Variants in LATS2 observed in about 807,000 individuals in gnomAD.
LATS2 encodes large tumor suppressor kinase 2.
Under a neutral mutation model 76.0 loss-of-function variants are expected in LATS2, and 24 were observed. That is an observed-to-expected ratio of 0.32 (90% CI 0.23 to 0.44). The LOEUF is 0.44. Among genes scored for constraint, LATS2 ranks in the 20% least tolerant of loss-of-function variants. The pLI is 1.00. For synonymous variants in LATS2, 692 were observed against 635.4 expected (o/e 1.09, Z -1.34); for missense variants, 1,286 against 1,481.2 (o/e 0.87, Z 2.16).
At chr13:21,022,035 TAGAA>T (rs1282838588) in intron 2 of LATS2, among the ~76,000 whole-genome samples, 1 of 152,016 alleles carries the variant, frequency 6.6e-6, no homozygotes, top group Non-Finnish European at 1.5e-5. Context: ...CTGGGTGAAA[TAGAA>T]AGATGAAATA....
At chr13:21,014,225 A>G (rs1366845584) in intron 2 of LATS2, among the ~76,000 whole-genome samples, 3 of 152,206 alleles carry the variant, frequency 2.0e-5, no homozygotes, top group Non-Finnish European at 4.4e-5. Flanking sequence ...CAGATGGATG[A>G]CAGGGCTCTC....
intron 2 of LATS2, among the ~76,000 whole-genome samples, chr13:21,036,246 A>G (rs1300037473): frequency 1.3e-5 from 2 of 151,534 alleles, no homozygotes; most frequent in Non-Finnish European, 2.9e-5. Flanking sequence ...TGGCCAGGCT[A>G]TTATCAAACT....
At chr13:21,032,807 G>C (rs1032970301) in intron 2 of LATS2, among the ~76,000 whole-genome samples, 3 of 152,162 alleles carry the variant, frequency 2.0e-5, no homozygotes, top group Non-Finnish European at 2.9e-5. Flanking sequence ...CACAAGGATG[G>C]GTCGTGGAAG....
chr13:20,988,809 G>A lies in LATS2; in HGVS notation c.971C>T (p.Ala324Val), dbSNP rs558614. 0.78 allele frequency: 1,248,692 copies of A among 1,594,946 alleles called. 495,300 individuals carry two copies. Among genetic ancestry groups the A allele is most frequent in the Non-Finnish European group, 0.82 (968,289 of 1,176,644 alleles). The change falls in exon 4 of 8, where the codon GCG becomes GTG. Residue 324 changes from alanine to valine, a missense_variant. Physicochemically the swap from Ala to Val is moderately conservative, Grantham distance 64. Transcript: ENST00000382592. ...PHPHHKQAGPAAHQLHVLGSR... is the reference protein window; with the variant it reads ...PHPHHKQAGPVAHQLHVLGSR... ...GCCCAGCACATGCAGCTGGTGGGCC[G>A]CGGGACCGGCCTGCTTGTGGTGTGG...
intron 2 of LATS2, among the ~76,000 whole-genome samples, chr13:20,996,419 C>T (rs1328153710): frequency 6.6e-6 from 1 of 150,786 alleles, no homozygotes; most frequent in Non-Finnish European, 1.5e-5. Flanking sequence ...CGTTCTGTCC[C>T]CCAGGGTGGA....
chr13:21,054,602 C>T (rs1289922462), intron 1 of LATS2, among the ~76,000 whole-genome samples: 7 of 152,146 alleles, frequency 4.6e-5, no homozygotes, highest in Admixed American at 1.3e-4. Flanking sequence ...CCTAGAGACA[C>T]TTGGGGTGTT....
rs549625457 is a variant in LATS2 at position 20,974,764 on chromosome 13, T to C, written c.*106A>G. 4.5e-5 allele frequency: 55 copies of C among 1,214,298 alleles called. No individual in the cohort carries two copies. The African/African-American group carries it at 8.0e-4, about 18-fold the overall frequency. The allele number at this position is 1,214,298 out of a possible 1,614,324, so 75.2% of individuals were successfully genotyped here. A position where few individuals can be genotyped will look rare whatever the true frequency, so the allele number is the denominator to read the frequency against. ...ATTTCAAGTGAAGTAATCGACGGAC[T>C]AATTTAAAACAAAACAGCCCTCGGC... On this transcript the variant is annotated 3_prime_UTR_variant, in exon 8 of 8. Transcript: ENST00000382592.
Position 20,991,209 on chromosome 13 carries a change from G to A in LATS2, c.475+63C>T, listed in dbSNP as rs79048256. On this transcript the variant is annotated intron_variant, in intron 3 of 7. Transcript: ENST00000382592. The surrounding 1 kb of genome is among the most constrained non-coding windows in gnomAD (Gnocchi z 4.9). ...CAGGCCAGGTTGGACCCCTCTGCAC[G>A]TGGTTTTGTTGTCCTTAAGCCACAA... 4,257 of 1,601,018 alleles carry A rather than the reference G, an allele frequency of 2.7e-3. 22 individuals carry two copies. The highest frequency in any genetic ancestry group is 0.016 in the East Asian group (721 of 44,802).
At chr13:20,997,042 G>A (rs1870789430) in intron 2 of LATS2, among the ~76,000 whole-genome samples, 1 of 152,188 alleles carries the variant, frequency 6.6e-6, no homozygotes, top group Admixed American at 6.5e-5. Context: ...GCTTGGGGTG[G>A]TGGCCCTGGA....
At chr13:21,053,505 A>C (rs1408096764) in intron 1 of LATS2, among the ~76,000 whole-genome samples, 1 of 152,042 alleles carries the variant, frequency 6.6e-6, no homozygotes, top group African/African-American at 2.4e-5. Context: ...AGGCCCACGC[A>C]ACATCTGTTG....
intron 1 of LATS2, among the ~76,000 whole-genome samples, chr13:21,047,253 G>A (rs1218376569): frequency 6.6e-6 from 1 of 152,128 alleles, no homozygotes; most frequent in Non-Finnish European, 1.5e-5. Context: ...CAGTCCCTTC[G>A]CCTCCCTCAG....
chr13:20,988,897 C>A lies in LATS2; in HGVS notation c.883G>T (p.Gly295Ter). The A allele has an allele frequency of 6.5e-7, 1 of 1,537,564 alleles. No individual in the cohort carries two copies. The highest frequency in any genetic ancestry group is 1.2e-5 in the South Asian group (1 of 83,186). Residue 295 changes from glycine (G) to a stop codon, truncating the protein, a stop_gained, in exon 4 of 8, where the codon GGA (glycine) becomes TGA (stop). Transcript: ENST00000382592. LOFTEE classifies it high-confidence loss of function. ...GCGAGGCCGGCGCCTGGCGGTCCTC[C>A]CTGGCCCTTCGTGGGCAGGCTGGCG... Reference protein sequence around the residue: ...GYASLPTKGQGGPPGAGLAFP... With the variant: ...GYASLPTKGQ
chr13:20,980,635 G>A (rs1230306591), intron 6 of LATS2, among the ~76,000 whole-genome samples: 2 of 152,168 alleles, frequency 1.3e-5, no homozygotes, highest in Admixed American at 6.5e-5. Context: ...AATGCTGCAC[G>A]TGGTAGAGGG....
Position 20,983,420 on chromosome 13 carries a change from G to T in LATS2, c.2286C>A (p.Val762=). 6.2e-7 allele frequency: 1 copy of T among 1,614,094 alleles called. No individual in the cohort carries two copies. Among genetic ancestry groups the T allele is most frequent in the African/African-American group, 1.3e-5 (1 of 75,006 alleles). The part of the protein sequence containing the change: ...DMMSLLIRME[V]FPEHLARFYI... ...AGAACCGGGCCAGGTGCTCAGGGAAGACCTCCATCCGGATCAGCAGGCTCA... is the reference window on the plus strand; with the variant it reads ...AGAACCGGGCCAGGTGCTCAGGGAATACCTCCATCCGGATCAGCAGGCTCA... The change falls in exon 5 of 8, where the codon GTC becomes GTA. Residue 762 remains valine (V), a synonymous_variant. Coordinates refer to ENST00000382592, the MANE Select transcript of LATS2 (RefSeq NM_014572.3).
Position 20,981,596 on chromosome 13 carries a change from C to T in LATS2, c.2535G>A (p.Val845=). The change falls in exon 6 of 8, where the codon GTG becomes GTA. Residue 845 remains valine (V), a synonymous_variant. Transcript: ENST00000382592. The part of the protein sequence containing the change: ...SMEPSDLWDD[V]SNCRCGDRLK... ...GCCTGTCCCCACACCGACAGTTAGA[C>T]ACATCATCCCAGAGGTCGCTGGGCT... 4 of 1,614,176 alleles carry T rather than the reference C, an allele frequency of 2.5e-6. No individual in the cohort carries two copies. The highest frequency in any genetic ancestry group is 3.4e-6 in the Non-Finnish European group (4 of 1,180,014).
intron 3 of LATS2, among the ~76,000 whole-genome samples, chr13:20,990,231 G>C (rs1870446112): frequency 6.6e-6 from 1 of 152,152 alleles, no homozygotes; most frequent in Non-Finnish European, 1.5e-5. Flanking sequence ...ACATGGGCCT[G>C]GCCTTCCCTT....
chr13:20,988,343 C>CGGGTCG lies in LATS2; in HGVS notation c.1436_1437insCGACCC (p.Pro479_Ala480insAspPro). The stretch of plus-strand genomic sequence containing the variant: ...CCTTGGCGTCCAAGCCCTCCGCAGC[C>CGGGTCG]GGGGCGGGGGCGGGGGCGGGGGCCG... On this transcript the variant is annotated inframe_insertion, in exon 4 of 8. Coordinates refer to ENST00000382592, the MANE Select transcript of LATS2 (RefSeq NM_014572.3). The CGGGTCG allele has an allele frequency of 1.5e-6, 2 of 1,298,770 alleles. No homozygotes were observed. The highest frequency in any genetic ancestry group is 1.5e-5 in the African/African-American group (1 of 65,382). The allele number at this position is 1,298,770 out of a possible 1,614,324, so 80.5% of individuals were successfully genotyped here. A position where few individuals can be genotyped will look rare whatever the true frequency, so the allele number is the denominator to read the frequency against.
intron 2 of LATS2, among the ~76,000 whole-genome samples, chr13:21,031,666 C>G (rs1266873034): frequency 6.6e-6 from 1 of 152,038 alleles, no homozygotes; most frequent in African/African-American, 2.4e-5. Flanking sequence ...CGAGACCAGC[C>G]TGGGCAAAAT....
intron 1 of LATS2, among the ~76,000 whole-genome samples, chr13:21,057,054 A>G (rs1172790049): frequency 1.3e-5 from 2 of 152,220 alleles, no homozygotes; most frequent in Admixed American, 1.3e-4. Context: ...GTAATGAACC[A>G]TGTTGGCCCT....
Sources: gnomAD v4.1 joint callset for allele counts (sites outside exome capture counted in the v4.1 genomes callset) on GRCh38, gnomAD v4.1.1 for gene constraint, Gnocchi (gnomAD v3.1) non-coding constraint, MANE v1.5 for transcripts, NCBI Gene and HGNC (gene_info 2026-07-23, HGNC 2026-07-21) for gene names.